EPHA7: variants seen among roughly 807,000 people sequenced by gnomAD.
EPHA7 encodes the protein ephrin type-A receptor 7.
A neutral mutation model predicts 112.6 loss-of-function variants in EPHA7; 25 were observed. That is an observed-to-expected ratio of 0.22 (90% CI 0.16 to 0.31). The LOEUF is 0.31. Among genes scored for constraint, EPHA7 ranks in the 10% least tolerant of loss-of-function variants. EPHA7 has a pLI of 1.00. For synonymous variants in EPHA7, 437 were observed against 406.5 expected, an observed-to-expected ratio of 1.07 and a Z score of -0.90; for missense variants, 962 against 1,212.6, an observed-to-expected ratio of 0.79 and a Z score of 3.07.
Position 93,410,276 on chromosome 6 carries a change from A to G in EPHA7, c.832+225T>C. 1.9e-6 allele frequency: 1 copy of G among 535,470 alleles called. No individual in the cohort carries two copies. Among genetic ancestry groups the G allele is most frequent in the Non-Finnish European group, 3.3e-6 (1 of 301,438 alleles). The allele number at this position is 535,470 out of a possible 1,614,324, so 33.2% of individuals were successfully genotyped here. On this transcript the variant is annotated intron_variant, in intron 3 of 16. Coordinates refer to ENST00000369303, the MANE Select transcript of EPHA7 (RefSeq NM_004440.4). This position sits in a 1 kb window ranked among gnomAD's most constrained non-coding sequence, Gnocchi z 4.0. ...CCATGTTAAGCATAGGACACATTAAATTTTAGTAACAAATTTCATTATCAC... is the reference window on the plus strand; with the variant it reads ...CCATGTTAAGCATAGGACACATTAAGTTTTAGTAACAAATTTCATTATCAC...
chr6:93,357,695 C>T (rs1582587232), intron 4 of EPHA7, among the ~76,000 whole-genome samples: 1 of 147,158 alleles, frequency 6.8e-6, no homozygotes, highest in African/African-American at 2.5e-5. Flanking sequence ...TTCTTATTGT[C>T]CAAGCTGGAG....
At chr6:93,369,853 T>G (rs1249476530) in intron 3 of EPHA7, among the ~76,000 whole-genome samples, 1 of 152,204 alleles carries the variant, frequency 6.6e-6, no homozygotes, top group Non-Finnish European at 1.5e-5. Context: ...CCATCCCACT[T>G]ACCAAAGGTT....
chr6:93,391,431 T>C (rs890149780), intron 3 of EPHA7, among the ~76,000 whole-genome samples: 1 of 152,024 alleles, frequency 6.6e-6, no homozygotes, highest in African/African-American at 2.4e-5. Flanking sequence ...TATATGGTAT[T>C]ACCAAGAACA....
At chr6:93,319,696 A>G (rs1773973949) in intron 5 of EPHA7, among the ~76,000 whole-genome samples, 1 of 152,148 alleles carries the variant, frequency 6.6e-6, no homozygotes, top group Non-Finnish European at 1.5e-5. Flanking sequence ...GAAGTTTTGC[A>G]GTAATCCAGA....
At chr6:93,365,218 C>A (rs1776447572) in intron 3 of EPHA7, among the ~76,000 whole-genome samples, 1 of 152,074 alleles carries the variant, frequency 6.6e-6, no homozygotes, top group African/African-American at 2.4e-5. Flanking sequence ...TGTTGCTGGC[C>A]ACAGTTATGC....
chr6:93,261,152 T>C (rs984224545), intron 9 of EPHA7, among the ~76,000 whole-genome samples: 1 of 151,434 alleles, frequency 6.6e-6, no homozygotes, highest in Non-Finnish European at 1.5e-5. Flanking sequence ...TTAGAAGAAA[T>C]GGTAGGAGGA....
chr6:93,255,594 T>C (rs73539424), intron 13 of EPHA7, among the ~76,000 whole-genome samples: 238 of 152,162 alleles, frequency 1.6e-3, no homozygotes, highest in African/African-American at 5.5e-3. Flanking sequence ...ATTCTATGAC[T>C]CTCCCAATAT....
In EPHA7 at chr6:93,410,334, T is replaced by C; in HGVS notation, c.832+167A>G. The C allele has an allele frequency of 3.2e-6, 2 of 626,422 alleles. No individual in the cohort carries two copies. Among genetic ancestry groups the C allele is most frequent in the South Asian group, 4.0e-5 (2 of 50,560 alleles). 38.8% of individuals were successfully genotyped at this position (626,422 alleles called of 1,614,324 possible). A position where few individuals can be genotyped will look rare whatever the true frequency, so the allele number is the denominator to read the frequency against. On this transcript the variant is annotated intron_variant, in intron 3 of 16. Transcript: ENST00000369303. This position sits in a 1 kb window ranked among gnomAD's most constrained non-coding sequence, Gnocchi z 4.0. ...GATTACATACACTTAGTGCAGATGC[T>C]ACTGTAGGGCAATCACTAAGTTCAA...
At chr6:93,398,928 T>C (rs1347418611) in intron 3 of EPHA7, among the ~76,000 whole-genome samples, 4 of 152,130 alleles carry the variant, frequency 2.6e-5, no homozygotes, top group Non-Finnish European at 5.9e-5. Context: ...ACTAAAACAC[T>C]GTCTCAACAT....
chr6:93,322,165 A>G (rs1176366330), intron 5 of EPHA7, among the ~76,000 whole-genome samples: 1 of 151,852 alleles, frequency 6.6e-6, no homozygotes, highest in Non-Finnish European at 1.5e-5. Context: ...GTATGTATAC[A>G]CATATATACA....
At chr6:93,310,272 G>T (rs753586733) in intron 5 of EPHA7, among the ~76,000 whole-genome samples, 1 of 152,058 alleles carries the variant, frequency 6.6e-6, no homozygotes, top group African/African-American at 2.4e-5. Flanking sequence ...ATTGTGATAC[G>T]CACTGAAAAT....
chr6:93,282,036 T>C (rs1275182792), intron 5 of EPHA7, among the ~76,000 whole-genome samples: 1 of 152,084 alleles, frequency 6.6e-6, no homozygotes, highest in East Asian at 1.9e-4. Flanking sequence ...AGCTTATTAG[T>C]TCCTCTTCCA....
rs1317262936 is a variant in EPHA7, at chr6:93,365,945, TAAG to T, written c.833-7537_833-7535del. 5.3e-5 allele frequency among the ~76,000 whole-genome samples: 8 copies of T among 152,236 alleles called. No individual in the cohort carries two copies. In the South Asian group the frequency reaches 8.3e-4, roughly 16 times the overall value. On this transcript the variant is annotated intron_variant, in intron 3 of 16. Transcript: ENST00000369303. ...TAGTGGAAAAGAAAAACATGTAAAA[TAAG>T]AAGCTTTAAAAAGTTTCGTTTCTAA... is the stretch of plus-strand genomic sequence containing the variant.
intron 5 of EPHA7, among the ~76,000 whole-genome samples, chr6:93,329,870 A>C (rs984773718): frequency 2.0e-5 from 3 of 151,232 alleles, no homozygotes; most frequent in African/African-American, 7.3e-5. Context: ...AAAAACAAAA[A>C]CAACAAAGAC....
At chr6:93,417,376 A>G (rs914622208) in intron 1 of EPHA7, among the ~76,000 whole-genome samples, 11 of 152,210 alleles carry the variant, frequency 7.2e-5, no homozygotes, top group African/African-American at 2.6e-4. Flanking sequence ...GTCGCCGCCT[A>G]GAAGCCGGGC....
At chr6:93,287,887 C>T (rs917024275) in intron 5 of EPHA7, among the ~76,000 whole-genome samples, 1 of 152,128 alleles carries the variant, frequency 6.6e-6, no homozygotes, top group Admixed American at 6.5e-5. Context: ...TAAGATATCA[C>T]TTGACACCCA....
intron 3 of EPHA7, among the ~76,000 whole-genome samples, chr6:93,376,899 C>A (rs928127697): frequency 6.6e-6 from 1 of 152,156 alleles, no homozygotes; most frequent in African/African-American, 2.4e-5. Context: ...AGCAGCATTG[C>A]ATCCCTAGCG....
chr6:93,370,830 T>G (rs2127959665), intron 3 of EPHA7, among the ~76,000 whole-genome samples: 1 of 152,066 alleles, frequency 6.6e-6, no homozygotes, highest in Middle Eastern at 3.4e-3. Context: ...TAAAGTACCT[T>G]AATATTCAGA....
chr6:93,411,007 C>A lies in EPHA7; in HGVS notation c.326G>T (p.Cys109Phe). Residue 109 changes from cysteine to phenylalanine, a missense_variant, in exon 3 of 17, where the codon TGT becomes TTT. By Grantham distance (205) the Cys-to-Phe change is radical (BLOSUM62 -2). This residue lies in a region of EPHA7 where 160 missense variants were observed against 263.6 expected (regional missense o/e 0.61). Coordinates refer to ENST00000369303, the MANE Select transcript of EPHA7 (RefSeq NM_004440.4). Reference sequence around the variant, plus strand: ...TCCCAGTACTCCAGGAAGACTGTTACAATCCCTCAGGGTGAATTTCAATTC... The same window carrying A: ...TCCCAGTACTCCAGGAAGACTGTTAAAATCCCTCAGGGTGAATTTCAATTC... ...FVELKFTLRD[C>F]NSLPGVLGTC... 6.2e-7 allele frequency: 1 copy of A among 1,614,112 alleles called. No homozygotes were observed. Among genetic ancestry groups the A allele is most frequent in the Non-Finnish European group, 8.5e-7 (1 of 1,179,976 alleles).
Sources: gnomAD v4.1 joint callset for allele counts (sites outside exome capture counted in the v4.1 genomes callset) on GRCh38, gnomAD v4.1.1 for gene constraint, gnomAD v4.1.1 regional missense constraint, Gnocchi (gnomAD v3.1) non-coding constraint, MANE v1.5 for transcripts, NCBI Gene and HGNC (gene_info 2026-07-23, HGNC 2026-07-21) for gene names.